Variants in EHMT1 observed in about 807,000 individuals in gnomAD.
EHMT1 encodes the protein histone-lysine N-methyltransferase EHMT1.
A neutral mutation model predicts 147.2 loss-of-function variants in EHMT1; 15 were observed. That is an observed-to-expected ratio of 0.10 (90% CI 0.07 to 0.16). The LOEUF is 0.16. Ranked by LOEUF, EHMT1 falls within the 10% of genes least tolerant of loss-of-function variation. EHMT1 has a pLI of 1.00. For synonymous variants in EHMT1, 795 were observed against 709.6 expected (o/e 1.12, Z -1.91); for missense variants, 1,587 against 1,772.4 (o/e 0.90, Z 1.88).
At chr9:137,768,574 G>T (rs1950391227) in intron 10 of EHMT1, among the ~76,000 whole-genome samples, 1 of 72,994 alleles carries the variant, frequency 1.4e-5, no homozygotes, top group Non-Finnish European at 2.4e-5. Flanking sequence ...TTTTGAGACG[G>T]AGTCTTGCTC....
intron 8 of EHMT1, among the ~76,000 whole-genome samples, chr9:137,755,541 T>C (rs1464442651): frequency 6.6e-6 from 1 of 152,244 alleles, no homozygotes; most frequent in African/African-American, 2.4e-5. Flanking sequence ...TGAACATTTG[T>C]GTGCAAATCT....
intron 25 of EHMT1, among the ~76,000 whole-genome samples, chr9:137,827,005 G>C (rs915790488): frequency 1.3e-5 from 2 of 152,220 alleles, no homozygotes; most frequent in African/African-American, 4.8e-5. Flanking sequence ...CGCTTGTCAT[G>C]TTGGCCGGGG....
chr9:137,778,249 C>A (rs572143747), intron 13 of EHMT1, among the ~76,000 whole-genome samples, 194 bp downstream of exon 13: 1 of 152,330 alleles, frequency 6.6e-6, no homozygotes, highest in East Asian at 1.9e-4. Flanking sequence ...GTAAGAGCAA[C>A]CTCTGACACC....
chr9:137,812,894 G>A (rs1398797396), intron 19 of EHMT1, 112 bp from the exon 20 acceptor site: 25 of 1,437,278 alleles, frequency 1.7e-5, no homozygotes, highest in South Asian at 9.3e-5. Context: ...TTATCTCACA[G>A]TGAATAGTGT....
chr9:137,737,753 G>A (rs1200230528), intron 4 of EHMT1, among the ~76,000 whole-genome samples: 3 of 152,096 alleles, frequency 2.0e-5, no homozygotes, highest in South Asian at 2.1e-4. Flanking sequence ...TTGGCTAGTC[G>A]TAAAGAAAAG....
intron 18 of EHMT1, among the ~76,000 whole-genome samples, chr9:137,806,107 A>T (rs546643619): frequency 6.7e-6 from 1 of 148,470 alleles, no homozygotes; most frequent in East Asian, 2.0e-4. Flanking sequence ...TTACAGGCAC[A>T]TGGCACCACG....
At chr9:137,823,415 A>G in intron 25 of EHMT1, 1 of 327,400 alleles carries the variant, frequency 3.1e-6, no homozygotes. Flanking sequence ...CGCCTGGGTA[A>G]TTTTTTTTTT....
intron 3 of EHMT1, among the ~76,000 whole-genome samples, chr9:137,725,835 C>T (rs1946569373): frequency 6.6e-6 from 1 of 152,142 alleles, no homozygotes; most frequent in Non-Finnish European, 1.5e-5. Context: ...CCTTCCAGCT[C>T]GCCCTGGCAC....
intron 9 of EHMT1, among the ~76,000 whole-genome samples, chr9:137,759,961 A>G (rs528380678): frequency 6.6e-6 from 1 of 152,174 alleles, no homozygotes; most frequent in Non-Finnish European, 1.5e-5. Flanking sequence ...CCTTGGGCCA[A>G]GGAGAATATG....
intron 1 of EHMT1, among the ~76,000 whole-genome samples, chr9:137,645,149 A>T (rs1844795575): frequency 6.6e-6 from 1 of 152,278 alleles, no homozygotes; most frequent in Non-Finnish European, 1.5e-5. Flanking sequence ...CTGGGATTAC[A>T]GGCGTGAGCC....
chr9:137,787,963 T>C lies in EHMT1; in HGVS notation c.2383-2885T>C. The C allele has an allele frequency of 6.7e-7, 1 of 1,493,540 alleles. No homozygotes were observed. The highest frequency in any genetic ancestry group is 9.3e-7 in the Non-Finnish European group (1 of 1,077,216). The allele number at this position is 1,493,540 out of a possible 1,614,324, so 92.5% of individuals were successfully genotyped here. ...CAGAGGGAGGCCCTGTGTCCCCCAC[T>C]GGACAGCCCCCCAGGAACTGAGGTG... On this transcript the variant is annotated intron_variant, in intron 15 of 26. Transcript: ENST00000460843. This position sits in a 1 kb window ranked among gnomAD's most constrained non-coding sequence, Gnocchi z 4.2.
At chr9:137,745,454 T>C in intron 6 of EHMT1, 1 of 398,606 alleles carries the variant, frequency 2.5e-6, no homozygotes, top group Non-Finnish European at 4.4e-6. Flanking sequence ...TTATTAGTTT[T>C]TTCTCCTCTT....
intron 1 of EHMT1, among the ~76,000 whole-genome samples, chr9:137,670,975 G>A (rs1457383970): frequency 1.3e-5 from 2 of 152,126 alleles, no homozygotes; most frequent in Non-Finnish European, 2.9e-5. Context: ...CTTTGTCATC[G>A]TCCACTGTTG....
At chr9:137,669,326 C>A (rs1940140539) in intron 1 of EHMT1, among the ~76,000 whole-genome samples, 1 of 131,210 alleles carries the variant, frequency 7.6e-6, no homozygotes, top group African/African-American at 3.0e-5. Context: ...AAGACGCCCC[C>A]ACAGCACGTG....
chr9:137,787,878 G>A lies in EHMT1; in HGVS notation c.2383-2970G>A. On this transcript the variant is annotated intron_variant, in intron 15 of 26. Coordinates refer to ENST00000460843, the MANE Select transcript of EHMT1 (RefSeq NM_024757.5). This position sits in a 1 kb window ranked among gnomAD's most constrained non-coding sequence, Gnocchi z 4.2. Reference sequence around the variant, plus strand: ...TTGGGGATAGGAGGTGGGTGGGGGTGCCAAGGGCATTACCACATTGGGAGT... The same window carrying A: ...TTGGGGATAGGAGGTGGGTGGGGGTACCAAGGGCATTACCACATTGGGAGT... 6 of 1,263,642 alleles carry A rather than the reference G, an allele frequency of 4.7e-6. No individual in the cohort carries two copies. The South Asian group carries it at 7.1e-5, about 15-fold the overall frequency. The allele number at this position is 1,263,642 out of a possible 1,614,324, so 78.3% of individuals were successfully genotyped here.
intron 1 of EHMT1, among the ~76,000 whole-genome samples, chr9:137,645,584 G>A (rs1332914869): frequency 2.0e-5 from 3 of 152,198 alleles, no homozygotes; most frequent in Admixed American, 6.5e-5. Context: ...TAGAAGCAGC[G>A]AAGAGGGGCC....
At chr9:137,667,582 T>A (rs1939814267) in intron 1 of EHMT1, 1 of 152,176 alleles carries the variant, frequency 6.6e-6, no homozygotes, top group Non-Finnish European at 1.5e-5. Flanking sequence ...TAGACATTTG[T>A]TTTTTATTTG....
intron 3 of EHMT1, among the ~76,000 whole-genome samples, chr9:137,719,316 C>T (rs1406536272): frequency 6.6e-6 from 1 of 152,128 alleles, no homozygotes; most frequent in African/African-American, 2.4e-5. Flanking sequence ...GGCCTGTCTG[C>T]AGTGACCACA....
At chr9:137,815,511 A>G in intron 22 of EHMT1, 1 of 283,384 alleles carries the variant, frequency 3.5e-6, no homozygotes, top group South Asian at 3.7e-5. Context: ...TCAGGGGGGT[A>G]GAAAGGGGAG....
Sources: allele counts gnomAD v4.1 joint callset (sites outside exome capture counted in the v4.1 genomes callset), GRCh38; gene constraint gnomAD v4.1.1; non-coding constraint Gnocchi (gnomAD v3.1); transcripts MANE v1.5; gene names NCBI Gene and HGNC (gene_info 2026-07-23, HGNC 2026-07-21).